GARIN5B: variants seen among roughly 807,000 people sequenced by gnomAD.
GARIN5B encodes Golgi-associated RAB2 interactor protein 5B.
At chr19:55,358,700 A>T in the GARIN5B span, 21 of 1,550,828 alleles carry the variant, frequency 1.4e-5, no homozygotes, top group Admixed American at 2.0e-5. Flanking sequence ...AGTCGCCAAG[A>T]GCCAGGAGGG....
the GARIN5B span, among the ~76,000 whole-genome samples, chr19:55,357,392 T>C: frequency 6.6e-6 from 1 of 152,174 alleles, no homozygotes; most frequent in South Asian, 2.1e-4. Context: ...GGCGCCCCCC[T>C]GCTGCACCTC....
At chr19:55,359,494 T>C in the GARIN5B span, 1 of 1,547,164 alleles carries the variant, frequency 6.5e-7, no homozygotes, top group Non-Finnish European at 8.7e-7. Flanking sequence ...CCTTCTGGGA[T>C]GGAGCAGGTA....
the GARIN5B span, chr19:55,361,319 C>T: frequency 6.5e-7 from 1 of 1,541,266 alleles, no homozygotes; most frequent in Non-Finnish European, 8.8e-7. Context: ...TGGAGGGCCC[C>T]ACCAAGGAAG....
the GARIN5B span, chr19:55,358,105 G>T: frequency 1.4e-6 from 2 of 1,415,878 alleles, no homozygotes; most frequent in South Asian, 1.6e-5. Context: ...CTCATAAACA[G>T]CAGAGCTCAC....
the GARIN5B span, chr19:55,359,375 G>C: frequency 6.5e-7 from 1 of 1,549,436 alleles, no homozygotes; most frequent in South Asian, 1.2e-5. Flanking sequence ...CTTCTGGGGT[G>C]GGGCAGGTAC....
chr19:55,359,505 C>T, the GARIN5B span: 15 of 1,549,240 alleles, frequency 9.7e-6, no homozygotes, highest in East Asian at 2.4e-5. Context: ...GGAGCAGGTA[C>T]AGCTGGGGCC....
the GARIN5B span, chr19:55,362,274 C>T: frequency 0.85 from 1,305,367 of 1,541,196 alleles, 555,773 homozygotes; most frequent in East Asian, 0.88. Context: ...GCAGGCGCTT[C>T]GGCCAGCGGC....
the GARIN5B span, chr19:55,358,652 G>A: frequency 1.9e-6 from 3 of 1,551,248 alleles, no homozygotes; most frequent in Admixed American, 2.0e-5. Context: ...GGGGCGGGAG[G>A]GCACTGAAGC....
the GARIN5B span, chr19:55,360,601 A>C: frequency 1.4e-6 from 2 of 1,390,722 alleles, no homozygotes; most frequent in South Asian, 1.4e-5. Flanking sequence ...TCCAGGTCCC[A>C]GCCTCTCCTC....
the GARIN5B span, chr19:55,362,622 G>T: frequency 1.3e-6 from 2 of 1,547,324 alleles, no homozygotes; most frequent in Non-Finnish European, 1.7e-6. Context: ...CGGCGGGCTG[G>T]CCGATCAGCA....
the GARIN5B span, chr19:55,362,586 C>T: frequency 6.5e-7 from 1 of 1,541,794 alleles, no homozygotes; most frequent in Non-Finnish European, 8.8e-7. Context: ...ACCTGGTCAG[C>T]ACGAGGCCGG....
chr19:55,358,413 G>T, the GARIN5B span: 1 of 1,507,768 alleles, frequency 6.6e-7, no homozygotes, highest in Non-Finnish European at 8.9e-7. Flanking sequence ...GAGGCGGTCA[G>T]GGGGATAGGC....
chr19:55,359,614 C>G, the GARIN5B span: 1 of 1,550,790 alleles, frequency 6.4e-7, no homozygotes, highest in Non-Finnish European at 8.7e-7. Context: ...GCTTCTGGGA[C>G]TGGTCAACAA....
At chr19:55,355,599 T>TA in the GARIN5B span, among the ~76,000 whole-genome samples, 1 of 152,168 alleles carries the variant, frequency 6.6e-6, no homozygotes, top group African/African-American at 2.4e-5. Flanking sequence ...GCAGGTGGTT[T>TA]CACCTCTAGA....
chr19:55,359,972 G>A, the GARIN5B span: 4 of 1,546,152 alleles, frequency 2.6e-6, no homozygotes, highest in Middle Eastern at 3.7e-4. Context: ...AGATGCAGAT[G>A]TGCAGGCCTG....
the GARIN5B span, chr19:55,361,188 G>C: frequency 3.2e-6 from 5 of 1,551,322 alleles, no homozygotes; most frequent in Non-Finnish European, 4.4e-6. Flanking sequence ...GCCTTCCTCT[G>C]TCTCTGAGCA....
chr19:55,362,964 A>G, the GARIN5B span: 1 of 1,497,220 alleles, frequency 6.7e-7, no homozygotes, highest in East Asian at 2.5e-5. Flanking sequence ...AGGGGCAGGT[A>G]CTCGCCCTTC....
the GARIN5B span, chr19:55,361,048 C>T: frequency 7.1e-6 from 11 of 1,550,854 alleles, no homozygotes; most frequent in East Asian, 2.4e-5. Flanking sequence ...CAGCTGCGAC[C>T]AGATGAGGGG....
the GARIN5B span, chr19:55,362,817 C>T: frequency 1.3e-6 from 2 of 1,481,910 alleles, no homozygotes; most frequent in South Asian, 1.3e-5. Flanking sequence ...GTCCCCCACA[C>T]AGTGACTGCT....
Sources: gnomAD v4.1 joint callset for allele counts (sites outside exome capture counted in the v4.1 genomes callset) on GRCh38, gnomAD v4.1.1 for gene constraint, MANE v1.5 for transcripts, NCBI Gene and HGNC (gene_info 2026-07-23, HGNC 2026-07-21) for gene names.